MTHFD1L: variants seen among roughly 807,000 people sequenced by gnomAD.
The protein encoded by MTHFD1L is monofunctional C1-tetrahydrofolate synthase, mitochondrial.
MTHFD1L carries 81 observed loss-of-function variants against 119.5 expected under a neutral mutation model. That is an observed-to-expected ratio of 0.68 (90% CI 0.57 to 0.82). The LOEUF is 0.82. MTHFD1L is among the 40% of genes least tolerant of loss of function. MTHFD1L has a pLI of 0.00. For missense variants in MTHFD1L, 1,125 were observed against 1,253.4 expected (o/e 0.90, Z 1.55); for synonymous variants, 430 against 475.2 (o/e 0.90, Z 1.24).
intron 7 of MTHFD1L, among the ~76,000 whole-genome samples, chr6:150,901,779 A>G (rs1254754608): frequency 6.6e-6 from 1 of 152,106 alleles, no homozygotes; most frequent in Non-Finnish European, 1.5e-5. Context: ...TGGACAAAGA[A>G]CCTACCTGTT....
At chr6:150,907,515 C>T (rs927045972) in intron 8 of MTHFD1L, among the ~76,000 whole-genome samples, 1 of 152,124 alleles carries the variant, frequency 6.6e-6, no homozygotes, top group African/African-American at 2.4e-5. Flanking sequence ...CAGAAAACAA[C>T]GTCCAAAAAT....
In MTHFD1L at chr6:150,936,941, G is replaced by A. The variant is rs1417288873; in HGVS notation, c.1393+1G>A. 2.5e-6 allele frequency: 4 copies of A among 1,613,836 alleles called. No individual in the cohort carries two copies. The highest frequency in any genetic ancestry group is 3.4e-6 in the Non-Finnish European group (4 of 1,179,906). On this transcript the variant is annotated splice_donor_variant, in intron 12 of 27. Transcript: ENST00000367321. LOFTEE classifies it high-confidence loss of function. ...CAAGGACCGACGTTTGGAGTGAAAG[G>A]TACTGTCTTTAACAACTAGTGTACT...
chr6:150,897,059 G>A (rs1331311981), intron 7 of MTHFD1L, among the ~76,000 whole-genome samples: 3 of 152,154 alleles, frequency 2.0e-5, no homozygotes, highest in Non-Finnish European at 2.9e-5. Flanking sequence ...GGAGCTTGCA[G>A]TGAGCCGAGA....
intron 11 of MTHFD1L, chr6:150,934,985 A>G: frequency 6.4e-7 from 1 of 1,556,890 alleles, no homozygotes. Flanking sequence ...ATGGGCTATC[A>G]GACCAGACTT....
chr6:150,868,286 T>C (rs934781388), intron 1 of MTHFD1L, among the ~76,000 whole-genome samples: 11 of 151,788 alleles, frequency 7.2e-5, no homozygotes, highest in South Asian at 4.2e-4. Flanking sequence ...GCAAAATACA[T>C]AGCCCAGGAC....
chr6:151,059,285 A>ACTGCAACCTTCGCCTCC (rs1401040420), intron 26 of MTHFD1L, among the ~76,000 whole-genome samples: 1 of 152,046 alleles, frequency 6.6e-6, no homozygotes, highest in Non-Finnish European at 1.5e-5. Context: ...ATCTCGGCTC[A>ACTGCAACCTTCGCCTCC]CTGCAACCTT....
intron 1 of MTHFD1L, among the ~76,000 whole-genome samples, chr6:150,873,112 C>T (rs911326570): frequency 6.6e-6 from 1 of 151,942 alleles, no homozygotes; most frequent in Admixed American, 6.6e-5. Flanking sequence ...GTCAAGAGAT[C>T]GAGACCACCC....
chr6:150,916,477 TTTTTTTTTTTTTTTTTTTTTTTG>T (rs1162024597), intron 8 of MTHFD1L, among the ~76,000 whole-genome samples: 1 of 44,076 alleles, frequency 2.3e-5, no homozygotes, highest in East Asian at 7.1e-4. Flanking sequence ...ATTTTTTTTT[TTTTTTTTTTTTTTTTTTTTTTTG>T]GTATTTTTAG....
At chr6:150,988,040 T>A (rs1386234980) in intron 20 of MTHFD1L, among the ~76,000 whole-genome samples, 2 of 152,210 alleles carry the variant, frequency 1.3e-5, no homozygotes, top group Non-Finnish European at 2.9e-5. Context: ...TCCCTGCTTA[T>A]GATTTATATA....
At position 150,865,921 on chromosome 6, in the gene MTHFD1L, CGGCGGCGGCGGA is replaced by C. The variant is rs1357326894; in HGVS notation, c.111_122del (p.Gly39_Gly42del). 1.2e-4 allele frequency: 144 copies of C among 1,190,598 alleles called. No homozygotes were observed. The highest frequency in any genetic ancestry group is 3.3e-4 in the Middle Eastern group (1 of 2,994). 73.8% of individuals were successfully genotyped at this position (1,190,598 alleles called of 1,614,324 possible). A position where few individuals can be genotyped will look rare whatever the true frequency, so the allele number is the denominator to read the frequency against. ...TCCGTGTGCCCTGTCGCGCTAGCAGCGGCGGCGGCGGAGGCGGCGGCGGTGGCCGGGAGGGCC... is the reference window on the plus strand; with the variant it reads ...TCCGTGTGCCCTGTCGCGCTAGCAGCGGCGGCGGCGGTGGCCGGGAGGGCC... On this transcript the variant is annotated inframe_deletion, in exon 1 of 28. Coordinates refer to ENST00000367321, the MANE Select transcript of MTHFD1L (RefSeq NM_015440.5).
At chr6:150,890,339 C>G (rs1029684382) in intron 7 of MTHFD1L, among the ~76,000 whole-genome samples, 15 of 151,998 alleles carry the variant, frequency 9.9e-5, no homozygotes, top group Non-Finnish European at 1.6e-4. Flanking sequence ...TGGGTCTTGG[C>G]CCCTTTCTGC....
At chr6:150,955,918 C>A in intron 16 of MTHFD1L, 77 bp from the exon 17 acceptor site, 1 of 1,272,308 alleles carries the variant, frequency 7.9e-7, no homozygotes, top group Non-Finnish European at 1.1e-6. Context: ...ACTTCCTGAG[C>A]ATCAGAACAA....
At chr6:150,979,710 G>A (rs1056996718) in intron 20 of MTHFD1L, among the ~76,000 whole-genome samples, 3 of 152,036 alleles carry the variant, frequency 2.0e-5, no homozygotes, top group African/African-American at 7.2e-5. Flanking sequence ...ATGTTAGCCA[G>A]GCTAGTCTCA....
At chr6:151,024,330 A>G (rs2128508508) in intron 24 of MTHFD1L, among the ~76,000 whole-genome samples, 1 of 152,208 alleles carries the variant, frequency 6.6e-6, no homozygotes, top group African/African-American at 2.4e-5. Context: ...GCTAGAATCG[A>G]GGAGTTCAAG....
In MTHFD1L at chr6:151,045,012, G is replaced by A. The variant is rs548199841; in HGVS notation, c.2847+7895G>A. ...TGTAAAAGTATGTACTCAGTGTTTC[G>A]TTTCCTGCTGGATCTGATTCAGGTC... On this transcript the variant is annotated intron_variant, in intron 26 of 27. Coordinates refer to ENST00000367321, the MANE Select transcript of MTHFD1L (RefSeq NM_015440.5). Among the ~76,000 whole-genome samples, 6 of 152,192 alleles carry A rather than the reference G, an allele frequency of 3.9e-5. No homozygotes were observed. The East Asian group carries it at 1.2e-3, about 29-fold the overall frequency.
chr6:150,902,544 G>A (rs997429), intron 7 of MTHFD1L, among the ~76,000 whole-genome samples: 29,150 of 152,078 alleles, frequency 0.19, 2,836 homozygotes, highest in African/African-American at 0.23. Flanking sequence ...CCCTTGTCCT[G>A]GGCAGGCTAT....
chr6:150,918,678 A>G lies in MTHFD1L; in HGVS notation c.984+10A>G. ...AGCTCTGCGAATTCAGGTTTGTTCA[A>G]CATAGCTGTCTGAGAATCTTGAGTT... On this transcript the variant is annotated intron_variant, in intron 9 of 27. Coordinates refer to ENST00000367321, the MANE Select transcript of MTHFD1L (RefSeq NM_015440.5). 6.2e-7 allele frequency: 1 copy of G among 1,607,130 alleles called. No individual in the cohort carries two copies. The highest frequency in any genetic ancestry group is 1.1e-5 in the South Asian group (1 of 90,446).
intron 26 of MTHFD1L, among the ~76,000 whole-genome samples, chr6:151,085,877 T>C (rs1030909351): frequency 2.0e-5 from 3 of 151,856 alleles, no homozygotes; most frequent in African/African-American, 4.9e-5. Flanking sequence ...GTCCTTGTAG[T>C]AAGCTCTTAG....
intron 26 of MTHFD1L, among the ~76,000 whole-genome samples, chr6:151,066,030 A>T (rs1448055057): frequency 6.6e-6 from 1 of 151,780 alleles, no homozygotes; most frequent in Non-Finnish European, 1.5e-5. Context: ...ATATATTTTC[A>T]TGTTGATAGG....
Sources: allele counts gnomAD v4.1 joint callset (sites outside exome capture counted in the v4.1 genomes callset), GRCh38; gene constraint gnomAD v4.1.1; transcripts MANE v1.5; gene names NCBI Gene and HGNC (gene_info 2026-07-23, HGNC 2026-07-21).